RNF17: variants seen among roughly 807,000 people sequenced by gnomAD.
RNF17 encodes the protein ring finger protein 17.
RNF17 carries 31 observed loss-of-function variants against 200.5 expected under a neutral mutation model. That is an observed-to-expected ratio of 0.15 (90% confidence interval 0.12 to 0.21). The LOEUF (loss-of-function observed/expected upper bound fraction) is 0.21. Among genes scored for constraint, RNF17 ranks in the 10% least tolerant of loss-of-function variants. The probability of loss-of-function intolerance (pLI) is 1.00; values close to 1 mark genes in which losing one functional copy is unlikely to be tolerated. For synonymous variants in RNF17, 606 were observed against 637.8 expected (o/e 0.95, Z 0.75); for missense variants, 1,628 against 1,905.1 (o/e 0.85, Z 2.71).
chr13:24,779,879 T>C, intron 5 of RNF17, 132 bp downstream of exon 5: 1 of 604,534 alleles, frequency 1.7e-6, no homozygotes, highest in Non-Finnish European at 2.7e-6. Context: ...TAAAAAAGAA[T>C]GGAAAACTTT....
chr13:24,865,217 G>A (rs1443058468), intron 29 of RNF17, among the ~76,000 whole-genome samples: 1 of 152,200 alleles, frequency 6.6e-6, no homozygotes, highest in Non-Finnish European at 1.5e-5. Flanking sequence ...TTCAATTAAT[G>A]TTTCTGTACC....
intron 18 of RNF17, among the ~76,000 whole-genome samples, chr13:24,839,736 A>C (rs1288968308): frequency 1.3e-5 from 2 of 152,196 alleles, no homozygotes; most frequent in African/African-American, 4.8e-5. Context: ...TCAACTCAAG[A>C]CTGATTAAAG....
rs1238900230 is a variant in RNF17 at position 24,788,116 on chromosome 13, T to C, written c.740T>C (p.Leu247Ser). 1 of 1,596,942 alleles carries C rather than the reference T, an allele frequency of 6.3e-7. No homozygotes were observed. Among genetic ancestry groups the C allele is most frequent in the Non-Finnish European group, 8.5e-7 (1 of 1,175,490 alleles). Residue 247 changes from leucine to serine, a missense_variant, in exon 7 of 36, where the codon TTA (leucine) becomes TCA (serine). Leu to Ser is a moderately radical substitution (Grantham distance 145). Transcript: ENST00000255324. ...LNAAMNIARALQLSPSLRTYC... is the reference protein window; with the variant it reads ...LNAAMNIARASQLSPSLRTYC... ...GCAGCTATGAACATAGCAAGAGCAT[T>C]ACAATTATCGCCTTCTCTAAGAACA...
chr13:24,787,798 A>G (rs1452961291), intron 6 of RNF17, among the ~76,000 whole-genome samples, 190 bp from the exon 7 acceptor site: 2 of 152,168 alleles, frequency 1.3e-5, no homozygotes, highest in African/African-American at 4.8e-5. Flanking sequence ...CTCATTTACC[A>G]TGTTATATGT....
chr13:24,884,505 G>A (rs1299482232), downstream of RNF17: 1 of 1,606,428 alleles, frequency 6.2e-7, no homozygotes, highest in Non-Finnish European at 8.5e-7. Context: ...ATTTTCTCCT[G>A]ACGAAAGTAT....
chr13:24,790,936 C>T (rs769415466), intron 9 of RNF17, among the ~76,000 whole-genome samples: 2 of 152,166 alleles, frequency 1.3e-5, no homozygotes, highest in African/African-American at 2.4e-5. Flanking sequence ...AAAGGCCCCA[C>T]CTCTTAATGT....
At chr13:24,748,758 T>TTG in the RNF17 span, among the ~76,000 whole-genome samples, 44 of 151,800 alleles carry the variant, frequency 2.9e-4, 1 homozygote, top group South Asian at 8.7e-3. Flanking sequence ...TTTTTGTTTT[T>TTG]TTTTTGAGAC....
chr13:24,784,961 C>T (rs1017523321), intron 6 of RNF17, among the ~76,000 whole-genome samples: 2 of 152,162 alleles, frequency 1.3e-5, no homozygotes, highest in Non-Finnish European at 2.9e-5. Flanking sequence ...TCTGCCTCGG[C>T]CTCCCAAAGT....
rs59493601 is a variant in RNF17 at position 24,797,705 on chromosome 13, A to AGTTTGTGTGTGT, written c.1399+1412_1399+1413insTTGTGTGTGTGT. Among the ~76,000 whole-genome samples the AGTTTGTGTGTGT allele has an allele frequency of 7.6e-4, 90 of 119,096 alleles. 1 individual carries two copies. Among genetic ancestry groups the AGTTTGTGTGTGT allele is most frequent in the African/African-American group, 2.8e-3 (87 of 31,280 alleles). The allele number at this position is 119,096 out of a possible 152,430, so 78.1% of individuals were successfully genotyped here. A position where few individuals can be genotyped will look rare whatever the true frequency, so the allele number is the denominator to read the frequency against. ...GAGAGAGAGAGAGAGAGAGACAAAG[A>AGTTTGTGTGTGT]GTGTGTGTGTGTGTGTGTGTGTGTG... On this transcript the variant is annotated intron_variant, in intron 11 of 35. Transcript: ENST00000255324.
At chr13:24,887,589 AT>A in the RNF17 span, among the ~76,000 whole-genome samples, 1 of 152,174 alleles carries the variant, frequency 6.6e-6, no homozygotes, top group African/African-American at 2.4e-5. Flanking sequence ...GGACCATCTA[AT>A]TGCAGGAAAA....
intron 18 of RNF17, among the ~76,000 whole-genome samples, chr13:24,838,979 G>A (rs1292750268): frequency 1.3e-5 from 2 of 152,082 alleles, no homozygotes; most frequent in East Asian, 1.9e-4. Context: ...CGAAGTTTCC[G>A]GATACAAGAT....
At chr13:24,875,933 C>T (rs1894810541) in intron 33 of RNF17, among the ~76,000 whole-genome samples, 1 of 152,206 alleles carries the variant, frequency 6.6e-6, no homozygotes, top group African/African-American at 2.4e-5. Context: ...AGTCCTTCAC[C>T]ACCACAGTGC....
intron 33 of RNF17, among the ~76,000 whole-genome samples, chr13:24,875,297 A>G (rs1412209717): frequency 6.6e-6 from 1 of 152,208 alleles, no homozygotes; most frequent in Non-Finnish European, 1.5e-5. Context: ...GCTTTATAAA[A>G]TGTTTATGGA....
At chr13:24,884,575 C>G, downstream of RNF17, 1 of 1,018,590 alleles carries the variant, frequency 9.8e-7, no homozygotes, top group Non-Finnish European at 1.5e-6. Flanking sequence ...GTAAAACATT[C>G]CCTCAAAAGA....
chr13:24,840,474 C>T (rs1319445874), intron 18 of RNF17, among the ~76,000 whole-genome samples: 2 of 152,144 alleles, frequency 1.3e-5, no homozygotes, highest in Non-Finnish European at 2.9e-5. Context: ...GGAACCAACC[C>T]AAATGCCCAT....
In RNF17 at chr13:24,802,447, A is replaced by G; in HGVS notation, c.1825A>G (p.Met609Val). 1 of 1,613,970 alleles carries G rather than the reference A, an allele frequency of 6.2e-7. No individual in the cohort carries two copies. ...LKMVNNKAVS[M>V]KVFREEDGVL... Reference sequence around the variant, plus strand: ...AATGGTAAATAACAAGGCTGTTTCAATGAAAGTTTTTAGAGAAGAAGATGG... The same window carrying G: ...AATGGTAAATAACAAGGCTGTTTCAGTGAAAGTTTTTAGAGAAGAAGATGG... Residue 609 changes from methionine (M) to valine (V), a missense_variant, in exon 14 of 36, where the codon ATG (methionine) becomes GTG (valine). Met to Val is a conservative substitution (Grantham distance 21). Transcript: ENST00000255324.
At chr13:24,820,771 A>G (rs77524389) in intron 15 of RNF17, among the ~76,000 whole-genome samples, 2,340 of 152,214 alleles carry the variant, frequency 0.015, 21 homozygotes, top group Non-Finnish European at 0.022. Context: ...AAACTGACTT[A>G]TAATCTTCTT....
At chr13:24,789,836 A>T in intron 9 of RNF17, 64 bp downstream of exon 9, 3 of 911,868 alleles carry the variant, frequency 3.3e-6, no homozygotes, top group South Asian at 1.4e-5. Context: ...TATCTAAGAG[A>T]CAGAAGAATT....
At chr13:24,824,673 A>T (rs1223340723) in intron 15 of RNF17, among the ~76,000 whole-genome samples, 1 of 152,208 alleles carries the variant, frequency 6.6e-6, no homozygotes, top group African/African-American at 2.4e-5. Flanking sequence ...TTACTGAATC[A>T]TTGATTTAAG....
Sources: gnomAD v4.1 joint callset for allele counts (sites outside exome capture counted in the v4.1 genomes callset) on GRCh38, gnomAD v4.1.1 for gene constraint, MANE v1.5 for transcripts, NCBI Gene and HGNC (gene_info 2026-07-23, HGNC 2026-07-21) for gene names.